CDH13: variants seen among roughly 807,000 people sequenced by gnomAD.
CDH13 encodes cadherin 13.
Under a neutral mutation model 63.8 loss-of-function variants are expected in CDH13, and 24 were observed. The ratio of observed to expected loss-of-function variants is 0.38; its 90% CI spans 0.27 to 0.53. The LOEUF (loss-of-function observed/expected upper bound fraction) is 0.53. Ranked by LOEUF, CDH13 falls within the 20% of genes least tolerant of loss-of-function variation. CDH13 has a pLI of 0.85. For synonymous variants in CDH13, 503 were observed against 355.3 expected (o/e 1.42, Z -4.67); for missense variants, 1,049 against 903.1 (o/e 1.16, Z -2.07).
chr16:83,043,523 G>GTT (rs1567775370), intron 3 of CDH13, among the ~76,000 whole-genome samples: 1 of 144,520 alleles, frequency 6.9e-6, no homozygotes, highest in African/African-American at 2.6e-5. Flanking sequence ...GTGTGTGTGT[G>GTT]TGTGTATGTA....
At chr16:82,743,826 A>G (rs968317400) in intron 1 of CDH13, among the ~76,000 whole-genome samples, 1 of 152,124 alleles carries the variant, frequency 6.6e-6, no homozygotes, top group African/African-American at 2.4e-5. Flanking sequence ...AATATTTTCT[A>G]TTTTATAAAT....
intron 3 of CDH13, among the ~76,000 whole-genome samples, chr16:83,100,314 C>T (rs561499183): frequency 2.0e-5 from 3 of 152,136 alleles, no homozygotes; most frequent in Middle Eastern, 3.4e-3. Flanking sequence ...AAATAAAGCA[C>T]AGAAGGGAAA....
intron 4 of CDH13, among the ~76,000 whole-genome samples, chr16:83,160,242 C>G (rs1392048291): frequency 6.6e-6 from 1 of 151,978 alleles, no homozygotes; most frequent in African/African-American, 2.4e-5. Flanking sequence ...ATGTACCACT[C>G]TGGTGGGGGT....
intron 4 of CDH13, among the ~76,000 whole-genome samples, chr16:83,216,654 T>A (rs1332360742): frequency 6.9e-6 from 1 of 145,208 alleles, no homozygotes; most frequent in Non-Finnish European, 1.5e-5. Context: ...TTATATATCA[T>A]ATTTAGGGGT....
intron 2 of CDH13, among the ~76,000 whole-genome samples, chr16:82,985,331 C>T (rs1910800070): frequency 6.6e-6 from 1 of 152,114 alleles, no homozygotes; most frequent in African/African-American, 2.4e-5. Context: ...TCATCCTATT[C>T]TGTAGGGAAA....
chr16:83,236,891 G>A (rs980691790), intron 5 of CDH13, among the ~76,000 whole-genome samples: 2 of 151,962 alleles, frequency 1.3e-5, no homozygotes, highest in Non-Finnish European at 2.9e-5. Context: ...AGACAGAGGT[G>A]GTGGTTCTAC....
intron 7 of CDH13, among the ~76,000 whole-genome samples, chr16:83,553,166 G>A (rs1339516816): frequency 6.6e-6 from 1 of 152,104 alleles, no homozygotes; most frequent in Non-Finnish European, 1.5e-5. Context: ...GCATTTTACG[G>A]TATTCGGTGG....
chr16:83,118,880 A>T (rs971627050), intron 3 of CDH13, among the ~76,000 whole-genome samples: 1 of 151,986 alleles, frequency 6.6e-6, no homozygotes, highest in African/African-American at 2.4e-5. Context: ...TTGCATCTTC[A>T]TTCATTCTGT....
chr16:83,566,654 G>C (rs759189411), intron 7 of CDH13, among the ~76,000 whole-genome samples: 4 of 152,194 alleles, frequency 2.6e-5, no homozygotes, highest in Admixed American at 1.3e-4. Context: ...CAGAGCATCA[G>C]ATGGGAGGTT....
intron 8 of CDH13, among the ~76,000 whole-genome samples, chr16:83,643,903 C>T (rs557791281): frequency 1.3e-5 from 2 of 152,354 alleles, no homozygotes; most frequent in South Asian, 4.1e-4. Flanking sequence ...ACGTACTACC[C>T]AGCTCTTCCT....
rs202181043 is a variant in CDH13, at chr16:82,853,417, A to C, written c.46-4945A>C. ...TTTAAATATAATACATAGAAATAAT[A>C]ATAGCAAGCATTTATTGAGCAAGTA... On this transcript the variant is annotated intron_variant, in intron 1 of 13. Transcript: ENST00000567109. 7.2e-5 allele frequency among the ~76,000 whole-genome samples: 11 copies of C among 152,366 alleles called. No individual in the cohort carries two copies. In the East Asian group the frequency reaches 2.1e-3, roughly 29 times the overall value.
chr16:83,548,247 G>C (rs1341458779), intron 7 of CDH13, among the ~76,000 whole-genome samples: 1 of 152,134 alleles, frequency 6.6e-6, no homozygotes, highest in African/African-American at 2.4e-5. Flanking sequence ...GGCTTATTTA[G>C]CTCAGTGGTC....
At chr16:83,457,559 A>C (rs565396587) in intron 6 of CDH13, among the ~76,000 whole-genome samples, 2 of 152,280 alleles carry the variant, frequency 1.3e-5, no homozygotes, top group Admixed American at 1.3e-4. Context: ...CGTTGTCATC[A>C]TCATCATCTA....
chr16:83,367,977 A>G (rs1395109817), intron 6 of CDH13, among the ~76,000 whole-genome samples: 1 of 152,210 alleles, frequency 6.6e-6, no homozygotes, highest in East Asian at 1.9e-4. Context: ...TATAGTTTTC[A>G]ATAGACAAGT....
intron 8 of CDH13, among the ~76,000 whole-genome samples, chr16:83,602,844 C>G (rs1193907106): frequency 6.6e-6 from 1 of 152,194 alleles, no homozygotes; most frequent in Non-Finnish European, 1.5e-5. Context: ...AAGAAAATAA[C>G]TTTTAATGCC....
intron 2 of CDH13, among the ~76,000 whole-genome samples, chr16:82,909,065 T>C (rs2041741316): frequency 6.6e-6 from 1 of 152,224 alleles, no homozygotes; most frequent in African/African-American, 2.4e-5. Flanking sequence ...ATACTTTAAA[T>C]CATCTCTAGA....
chr16:83,271,437 A>AAAAAAAAAAAAAC, intron 5 of CDH13, among the ~76,000 whole-genome samples: 1 of 136,664 alleles, frequency 7.3e-6, no homozygotes, highest in Non-Finnish European at 1.6e-5. Flanking sequence ...AAAAAAAAAA[A>AAAAAAAAAAAAAC]AAAAAAAAAA....
In CDH13 at chr16:82,858,633, G is replaced by A. The variant is rs2039803017; in HGVS notation, c.157+160G>A. The A allele has an allele frequency of 1.5e-5, 10 of 678,342 alleles. No homozygotes were observed. The East Asian group carries it at 2.7e-4, about 18-fold the overall frequency. The allele number at this position is 678,342 out of a possible 1,614,324, so 42.0% of individuals were successfully genotyped here. On this transcript the variant is annotated intron_variant, in intron 2 of 13. Transcript: ENST00000567109. ...CCCAAAGTGGAAATTCTTGAATGAG[G>A]GCCTGGCCAACTTAGAGGTTAATAG...
chr16:83,687,470 C>T (rs982471620), intron 10 of CDH13, among the ~76,000 whole-genome samples: 8 of 152,080 alleles, frequency 5.3e-5, no homozygotes, highest in African/African-American at 1.9e-4. Flanking sequence ...TTTAAACAAC[C>T]AGATCACGCA....
Sources: allele counts gnomAD v4.1 joint callset (sites outside exome capture counted in the v4.1 genomes callset), GRCh38; gene constraint gnomAD v4.1.1; transcripts MANE v1.5; gene names NCBI Gene and HGNC (gene_info 2026-07-23, HGNC 2026-07-21).